The following ZNF608 variants were observed in gnomAD, a reference collection of about 807,000 sequenced individuals.
ZNF608 encodes the protein renal carcinoma antigen NY-REN-36.
A neutral mutation model predicts 109.0 loss-of-function variants in ZNF608; 12 were observed. That is an observed-to-expected ratio of 0.11 (90% confidence interval 0.07 to 0.18). The LOEUF (loss-of-function observed/expected upper bound fraction) is 0.18, where lower values mean the gene tolerates loss of function less well. Ranked by LOEUF, ZNF608 falls within the 10% of genes least tolerant of loss-of-function variation. ZNF608 has a pLI of 1.00. For missense variants in ZNF608, 1,707 were observed against 1,879.3 expected (o/e 0.91, Z 1.70); for synonymous variants, 732 against 717.4 (o/e 1.02, Z -0.33).
At chr5:124,699,055 A>T (rs545642206) in intron 3 of ZNF608, among the ~76,000 whole-genome samples, 6 of 152,356 alleles carry the variant, frequency 3.9e-5, no homozygotes, top group South Asian at 2.1e-4. Flanking sequence ...AAATTATCCA[A>T]GTACAAAAAA....
intron 5 of ZNF608, among the ~76,000 whole-genome samples, chr5:124,645,752 C>T (rs1023321998): frequency 6.6e-6 from 1 of 152,100 alleles, no homozygotes; most frequent in African/African-American, 2.4e-5. Context: ...GCTGTTGAGG[C>T]CTGCCACCCA....
intron 2 of ZNF608, among the ~76,000 whole-genome samples, chr5:124,703,484 G>A (rs1170888294): frequency 2.6e-5 from 4 of 152,102 alleles, no homozygotes; most frequent in Non-Finnish European, 5.9e-5. Context: ...ACACATTCCT[G>A]GCCAGGTGTA....
At chr5:124,725,438 C>T (rs1754101249) in intron 2 of ZNF608, among the ~76,000 whole-genome samples, 1 of 151,898 alleles carries the variant, frequency 6.6e-6, no homozygotes, top group African/African-American at 2.4e-5. Context: ...GGTATTTTTG[C>T]TGGGTAAACA....
At chr5:124,725,991 C>T (rs192753232) in intron 2 of ZNF608, among the ~76,000 whole-genome samples, 2 of 152,244 alleles carry the variant, frequency 1.3e-5, no homozygotes. Flanking sequence ...CACAAAAAAT[C>T]CAAGCACTCT....
intron 2 of ZNF608, chr5:124,708,576 A>G: frequency 2.6e-6 from 1 of 385,444 alleles, no homozygotes; most frequent in South Asian, 1.9e-5. Context: ...CAATCCCTTC[A>G]GAAACCTCAC....
chr5:124,730,428 T>G (rs1748843849), intron 2 of ZNF608, among the ~76,000 whole-genome samples: 1 of 152,222 alleles, frequency 6.6e-6, no homozygotes, highest in African/African-American at 2.4e-5. Flanking sequence ...TTACAAAATT[T>G]CTATCAGTCT....
chr5:124,665,235 A>C (rs1173512009), intron 3 of ZNF608, among the ~76,000 whole-genome samples: 1 of 152,046 alleles, frequency 6.6e-6, no homozygotes, highest in Non-Finnish European at 1.5e-5. Flanking sequence ...CTTGAAACTG[A>C]CCACGGTGGT....
chr5:124,637,966 T>C, intron 9 of ZNF608, 60 bp from the exon 10 acceptor site: 2 of 1,602,926 alleles, frequency 1.2e-6, no homozygotes, highest in Non-Finnish European at 1.7e-6. Context: ...TGTTTGTTTT[T>C]TGAGTCGGAG....
Position 124,744,048 on chromosome 5 carries a change from G to C in ZNF608, c.906+36C>G, listed in dbSNP as rs367654404. The C allele has an allele frequency of 9.0e-6, 14 of 1,547,942 alleles. No individual in the cohort carries two copies. In the African/African-American group the frequency reaches 1.6e-4, roughly 18 times the overall value. ...CACACCCACACAAATGCACACAGAG[G>C]AGAGTAGGACATCTAGGAAGGCGAC... On this transcript the variant is annotated intron_variant, in intron 2 of 9. Transcript: ENST00000513986. The surrounding 1 kb of genome is among the most constrained non-coding windows in gnomAD (Gnocchi z 4.5).
chr5:124,645,030 T>C (rs551006486), intron 5 of ZNF608, among the ~76,000 whole-genome samples: 10 of 152,210 alleles, frequency 6.6e-5, no homozygotes, highest in Non-Finnish European at 1.3e-4. Context: ...TCAGACATAT[T>C]TAATTCTGTC....
At chr5:124,716,074 C>T (rs1753684438) in intron 2 of ZNF608, among the ~76,000 whole-genome samples, 1 of 137,222 alleles carries the variant, frequency 7.3e-6, no homozygotes, top group South Asian at 2.5e-4. Context: ...ACCCGGGAGG[C>T]GGAGCTGGCA....
At chr5:124,680,277 T>C (rs1269541363) in intron 3 of ZNF608, among the ~76,000 whole-genome samples, 4 of 151,810 alleles carry the variant, frequency 2.6e-5, no homozygotes, top group African/African-American at 9.7e-5. Flanking sequence ...ATAACAGCTA[T>C]GAAGAAATTA....
chr5:124,683,070 G>C (rs1040824610), intron 3 of ZNF608, among the ~76,000 whole-genome samples: 1 of 151,802 alleles, frequency 6.6e-6, no homozygotes, highest in Non-Finnish European at 1.5e-5. Context: ...TGGGAAGCAA[G>C]CTGCCATGTT....
chr5:124,700,217 G>A (rs575830907), intron 3 of ZNF608, among the ~76,000 whole-genome samples: 2 of 152,264 alleles, frequency 1.3e-5, no homozygotes, highest in South Asian at 4.1e-4. Flanking sequence ...TTGGTAGTTA[G>A]TTTTCAATTA....
At chr5:124,713,701 T>A (rs1753588198) in intron 2 of ZNF608, among the ~76,000 whole-genome samples, 1 of 151,946 alleles carries the variant, frequency 6.6e-6, no homozygotes, top group African/African-American at 2.4e-5. Flanking sequence ...ACAGAAAAAA[T>A]TTGCCAATCC....
chr5:124,717,606 T>G (rs1753755487), intron 2 of ZNF608, among the ~76,000 whole-genome samples: 1 of 152,266 alleles, frequency 6.6e-6, no homozygotes, highest in African/African-American at 2.4e-5. Flanking sequence ...TTTTTGAGGC[T>G]CTGAAACAAT....
intron 2 of ZNF608, among the ~76,000 whole-genome samples, chr5:124,742,577 A>C (rs1749459786): frequency 6.6e-6 from 1 of 152,242 alleles, no homozygotes; most frequent in Non-Finnish European, 1.5e-5. Flanking sequence ...TACACATTTA[A>C]ATATAAGACT....
chr5:124,678,214 G>C (rs981616690), intron 3 of ZNF608, among the ~76,000 whole-genome samples: 1 of 152,078 alleles, frequency 6.6e-6, no homozygotes, highest in African/African-American at 2.4e-5. Context: ...CACCAAAAAA[G>C]GAAAGCTGGC....
chr5:124,734,304 A>G (rs1749044671), intron 2 of ZNF608, among the ~76,000 whole-genome samples: 1 of 152,214 alleles, frequency 6.6e-6, no homozygotes, highest in Non-Finnish European at 1.5e-5. Flanking sequence ...GCAGTCTTTA[A>G]GGCAAGTAAT....
Sources: gnomAD v4.1 joint callset for allele counts (sites outside exome capture counted in the v4.1 genomes callset) on GRCh38, gnomAD v4.1.1 for gene constraint, Gnocchi (gnomAD v3.1) non-coding constraint, MANE v1.5 for transcripts, NCBI Gene and HGNC (gene_info 2026-07-23, HGNC 2026-07-21) for gene names.